FAM227B: variants seen among roughly 807,000 people sequenced by gnomAD.
The protein encoded by FAM227B is protein FAM227B.
FAM227B carries 88 observed loss-of-function variants against 73.8 expected under a neutral mutation model. The ratio of observed to expected loss-of-function variants is 1.19; its 90% CI spans 1.00 to 1.42. FAM227B has a LOEUF of 1.42. Among genes scored for constraint, FAM227B ranks in the 40% most tolerant of loss-of-function variants. The pLI is 0.00. For synonymous variants in FAM227B, 210 were observed against 190.5 expected (o/e 1.10, Z -0.84); for missense variants, 632 against 590.9 (o/e 1.07, Z -0.72).
At chr15:49,592,236 A>G (rs1275420060) in intron 3 of FAM227B, among the ~76,000 whole-genome samples, 3 of 152,132 alleles carry the variant, frequency 2.0e-5, no homozygotes, top group East Asian at 3.9e-4. Flanking sequence ...GATCCTTTGG[A>G]GAAGAGGTGC....
intron 11 of FAM227B, among the ~76,000 whole-genome samples, chr15:49,388,221 A>C (rs1286577439): frequency 6.6e-6 from 1 of 151,936 alleles, no homozygotes; most frequent in Non-Finnish European, 1.5e-5. Flanking sequence ...ACATTACCGG[A>C]CTTCAAATTA....
intron 11 of FAM227B, among the ~76,000 whole-genome samples, chr15:49,483,722 A>G (rs959770293): frequency 6.6e-6 from 1 of 152,056 alleles, no homozygotes. Context: ...ACTTCACTAC[A>G]ATGCAAAATA....
At chr15:49,504,580 G>A (rs1282031735) in intron 11 of FAM227B, among the ~76,000 whole-genome samples, 1 of 151,838 alleles carries the variant, frequency 6.6e-6, no homozygotes, top group African/African-American at 2.4e-5. Context: ...ATAAAATAAA[G>A]GTCATTCATG....
intron 9 of FAM227B, among the ~76,000 whole-genome samples, chr15:49,545,180 G>C (rs2071654180): frequency 1.3e-5 from 2 of 151,884 alleles, no homozygotes; most frequent in African/African-American, 4.8e-5. Flanking sequence ...CTCACTACTT[G>C]TTATTGCTCC....
In FAM227B at chr15:49,355,868, C is replaced by T. The variant is rs577870268; in HGVS notation, c.1271+11580G>A. Among the ~76,000 whole-genome samples the T allele has an allele frequency of 1.6e-3, 245 of 152,238 alleles. 4 individuals carry two copies. The highest frequency in any genetic ancestry group is 8.0e-3 in the Admixed American group (123 of 15,288). ...AGGTCGGGTCACCCTCAAAGGGAAG[C>T]CCATCAGACTAACAGTGGATCTCTC... On this transcript the variant is annotated intron_variant, in intron 13 of 15. Transcript: ENST00000299338.
chr15:49,447,990 C>T (rs909021406), intron 11 of FAM227B, among the ~76,000 whole-genome samples: 1 of 151,644 alleles, frequency 6.6e-6, no homozygotes, highest in African/African-American at 2.4e-5. Flanking sequence ...TCAAAAGCTG[C>T]TCCAGATATC....
chr15:49,535,675 G>C (rs1320840638), intron 10 of FAM227B, among the ~76,000 whole-genome samples: 1 of 151,736 alleles, frequency 6.6e-6, no homozygotes, highest in Admixed American at 6.6e-5. Flanking sequence ...TAAGATATTA[G>C]CAAACCAAAT....
intron 11 of FAM227B, among the ~76,000 whole-genome samples, chr15:49,398,154 T>A (rs2047842359): frequency 6.6e-6 from 1 of 152,072 alleles, no homozygotes; most frequent in Non-Finnish European, 1.5e-5. Context: ...TGGAGGAAGA[T>A]CTACCAAGCC....
intron 3 of FAM227B, among the ~76,000 whole-genome samples, chr15:49,596,098 G>A (rs985287924): frequency 6.6e-6 from 1 of 151,914 alleles, no homozygotes; most frequent in African/African-American, 2.4e-5. Context: ...CATGCAAACA[G>A]AGGAAGCTCA....
rs538375897 is a variant in FAM227B at position 49,371,351 on chromosome 15, G to A, written c.1061C>T (p.Thr354Met). Residue 354 changes from threonine to methionine, a missense_variant, in exon 12 of 16, where the codon ACG becomes ATG. By Grantham distance (81) the Thr-to-Met change is moderately conservative. Transcript: ENST00000299338. The stretch of plus-strand genomic sequence containing the variant: ...TGATTCTTCCTTGGATATGGGCAAC[G>A]TATATGCTCTTGGGTTGTTCAGAAT... The part of the protein sequence containing the change: ...IKILNNPRAY[T>M]LPISKEESRL... The A allele has an allele frequency of 1.6e-5, 26 of 1,603,396 alleles. No homozygotes were observed. The highest frequency in any genetic ancestry group is 5.0e-5 in the Admixed American group (3 of 59,486).
Position 49,577,641 on chromosome 15 carries a change from C to T in FAM227B, c.429G>A (p.Glu143=). The change falls in exon 6 of 16, where the codon GAG becomes GAA. Residue 143 remains glutamate, a synonymous_variant. Coordinates refer to ENST00000299338, the MANE Select transcript of FAM227B (RefSeq NM_152647.3). ...KIMLSDEMET[E]KNIEGCSFTG... is the part of the protein sequence containing the mutation. ...AAATTTTAAGTACCTCTATATTCTT[C>T]TCTGTCTCCATTTCATCTGAAAGCT... 6.4e-7 allele frequency: 1 copy of T among 1,567,770 alleles called. No homozygotes were observed. The highest frequency in any genetic ancestry group is 8.7e-7 in the Non-Finnish European group (1 of 1,148,274).
At chr15:49,519,546 G>A (rs1390908994) in intron 10 of FAM227B, among the ~76,000 whole-genome samples, 4 of 152,068 alleles carry the variant, frequency 2.6e-5, no homozygotes, top group African/African-American at 9.7e-5. Flanking sequence ...GCACCCTCAG[G>A]CTCAACACCA....
At chr15:49,341,261 T>C (rs1286827425) in intron 13 of FAM227B, among the ~76,000 whole-genome samples, 1 of 152,144 alleles carries the variant, frequency 6.6e-6, no homozygotes, top group East Asian at 1.9e-4. Context: ...GTTTTGGTTT[T>C]AGAATAGTTT....
chr15:49,340,062 G>A (rs1191326340), intron 13 of FAM227B, among the ~76,000 whole-genome samples: 1 of 152,186 alleles, frequency 6.6e-6, no homozygotes, highest in Non-Finnish European at 1.5e-5. Flanking sequence ...CTCAGTGGGG[G>A]TGGGACCCGC....
At chr15:49,410,974 G>A (rs1289465089) in intron 11 of FAM227B, among the ~76,000 whole-genome samples, 3 of 142,762 alleles carry the variant, frequency 2.1e-5, no homozygotes, top group African/African-American at 7.7e-5. Context: ...GTGTGTGTGT[G>A]TGTGTGTATG....
intron 11 of FAM227B, among the ~76,000 whole-genome samples, chr15:49,440,761 T>A (rs1224620499): frequency 1.3e-5 from 2 of 151,576 alleles, no homozygotes; most frequent in African/African-American, 4.8e-5. Context: ...AACAACAGAG[T>A]CAGGACCTGA....
intron 11 of FAM227B, among the ~76,000 whole-genome samples, chr15:49,475,677 G>A (rs1374330726): frequency 6.6e-6 from 1 of 151,908 alleles, no homozygotes; most frequent in African/African-American, 2.4e-5. Context: ...TCCCAAGAAT[G>A]TACACAATTT....
Position 49,342,126 on chromosome 15 carries a change from C to T in FAM227B, c.1272-6630G>A, listed in dbSNP as rs558053897. The stretch of plus-strand genomic sequence containing the variant: ...GATGATCTGCATTATGTTGTCAGTA[C>T]GGTGTTGAAGTTCCCCGTCCCATTA... On this transcript the variant is annotated intron_variant, in intron 13 of 15. Coordinates refer to ENST00000299338, the MANE Select transcript of FAM227B (RefSeq NM_152647.3). 1.7e-3 allele frequency among the ~76,000 whole-genome samples: 262 copies of T among 152,132 alleles called. 5 individuals carry two copies. In the South Asian group the frequency reaches 0.028, roughly 16 times the overall value.
At chr15:49,431,559 G>C (rs189125550) in intron 11 of FAM227B, among the ~76,000 whole-genome samples, 2 of 151,700 alleles carry the variant, frequency 1.3e-5, no homozygotes, top group African/African-American at 4.8e-5. Flanking sequence ...ATACTGGGGA[G>C]AATTGGCTCT....
Sources: gnomAD v4.1 joint callset for allele counts (sites outside exome capture counted in the v4.1 genomes callset) on GRCh38, gnomAD v4.1.1 for gene constraint, MANE v1.5 for transcripts, NCBI Gene and HGNC (gene_info 2026-07-23, HGNC 2026-07-21) for gene names.